Variants in LRRTM4 observed in about 807,000 individuals in gnomAD.
LRRTM4 encodes leucine rich repeat transmembrane neuronal 4.
In LRRTM4, 25 loss-of-function variants were observed where a neutral mutation model predicts 47.6. That is an observed-to-expected ratio of 0.53 (90% CI 0.38 to 0.73). LRRTM4 has a LOEUF of 0.73. LRRTM4 is among the 30% of genes least tolerant of loss of function. The pLI, the probability that LRRTM4 is intolerant of heterozygous loss-of-function variation, is 0.00. For synonymous variants in LRRTM4, 311 were observed against 269.5 expected, an observed-to-expected ratio of 1.15 and a Z score of -1.51; for missense variants, 638 against 713.4, an observed-to-expected ratio of 0.89 and a Z score of 1.20.
At chr2:77,476,780 G>T (rs1330597348) in intron 3 of LRRTM4, among the ~76,000 whole-genome samples, 8 of 151,942 alleles carry the variant, frequency 5.3e-5, no homozygotes. Flanking sequence ...CAGTATATTT[G>T]GTGCAAAAGT....
chr2:77,026,558 C>G (rs1197090970), intron 3 of LRRTM4, among the ~76,000 whole-genome samples: 1 of 151,992 alleles, frequency 6.6e-6, no homozygotes, highest in Non-Finnish European at 1.5e-5. Flanking sequence ...AGTGAATAGC[C>G]TATTTCTAAA....
chr2:77,223,969 G>T (rs931096062), intron 3 of LRRTM4, among the ~76,000 whole-genome samples: 2 of 151,984 alleles, frequency 1.3e-5, no homozygotes, highest in African/African-American at 2.4e-5. Flanking sequence ...ATGCTACAAG[G>T]CTACAGTAAC....
In LRRTM4 at chr2:77,145,660, G is replaced by A. The variant is rs375338656; in HGVS notation, c.1551+372658C>T. Among the ~76,000 whole-genome samples, 5 of 151,822 alleles carry A rather than the reference G, an allele frequency of 3.3e-5. No individual in the cohort carries two copies. The East Asian group carries it at 5.8e-4, about 18-fold the overall frequency. The stretch of plus-strand genomic sequence containing the variant: ...ATGGTGGCGGGCACCTGTAGTCCCA[G>A]CTACTCGGGAGGCTGAGGCAGGAGA... On this transcript the variant is annotated intron_variant, in intron 3 of 3. Transcript: ENST00000409884.
chr2:76,967,058 T>C (rs967105845), intron 3 of LRRTM4, among the ~76,000 whole-genome samples: 3 of 151,610 alleles, frequency 2.0e-5, no homozygotes, highest in African/African-American at 7.2e-5. Context: ...CCTAAGTCAC[T>C]ATTTCCATCA....
Position 77,292,002 on chromosome 2 carries a change from A to C in LRRTM4, c.1551+226316T>G, listed in dbSNP as rs200425881. On this transcript the variant is annotated intron_variant, in intron 3 of 3. Transcript: ENST00000409884. ...ATGAACTCAAACAAATTTACAAGAA[A>C]AAAACAAACAACCCCATCAAAAAGT... Among the ~76,000 whole-genome samples, 626 of 152,036 alleles carry C rather than the reference A, an allele frequency of 4.1e-3. 3 individuals are homozygous for C. The highest frequency in any genetic ancestry group is 0.014 in the African/African-American group (573 of 41,494).
chr2:77,368,357 G>A (rs1221178045), intron 3 of LRRTM4, among the ~76,000 whole-genome samples: 1 of 151,610 alleles, frequency 6.6e-6, no homozygotes, highest in African/African-American at 2.4e-5. Flanking sequence ...ATTATTAGAG[G>A]GGCATCCAGT....
chr2:77,430,481 G>A (rs928253602), intron 3 of LRRTM4, among the ~76,000 whole-genome samples: 13 of 151,920 alleles, frequency 8.6e-5, no homozygotes, highest in African/African-American at 3.1e-4. Context: ...TAGCATTTTG[G>A]AAGGCCGAGG....
Position 76,873,504 on chromosome 2 carries a change from G to GTATATATATA in LRRTM4, c.1552-124589_1552-124588insTATATATATA, listed in dbSNP as rs1371189658. ...TATATGTGTGTGTGTATATATATGT[G>GTATATATATA]TGTATATATATATATATATATATAT... On this transcript the variant is annotated intron_variant, in intron 3 of 3. Coordinates refer to ENST00000409884, the MANE Select transcript of LRRTM4 (RefSeq NM_001134745.3). 5.6e-3 allele frequency among the ~76,000 whole-genome samples: 413 copies of GTATATATATA among 73,174 alleles called. 6 individuals are homozygous for GTATATATATA. The highest frequency in any genetic ancestry group is 0.016 in the African/African-American group (384 of 23,676). The allele number at this position is 73,174 out of a possible 152,430, so 48.0% of individuals were successfully genotyped here. A position where few individuals can be genotyped will look rare whatever the true frequency, so the allele number is the denominator to read the frequency against.
chr2:76,908,832 G>T (rs922175406), intron 3 of LRRTM4, among the ~76,000 whole-genome samples: 2 of 151,908 alleles, frequency 1.3e-5, no homozygotes, highest in African/African-American at 2.4e-5. Context: ...CACTGCTCAA[G>T]GAAATAAAAG....
intron 3 of LRRTM4, among the ~76,000 whole-genome samples, chr2:76,776,560 T>C (rs966795470): frequency 1.3e-5 from 2 of 152,240 alleles, no homozygotes; most frequent in African/African-American, 4.8e-5. Context: ...TGTCTTCTTT[T>C]GAGAAGTGTC....
At chr2:77,513,951 T>G (rs969446665) in intron 3 of LRRTM4, among the ~76,000 whole-genome samples, 4 of 152,090 alleles carry the variant, frequency 2.6e-5, no homozygotes, top group Admixed American at 1.3e-4. Context: ...TTAACAAATA[T>G]TTGTTACTAA....
chr2:76,757,568 G>A (rs1673081733), intron 3 of LRRTM4, among the ~76,000 whole-genome samples: 1 of 152,110 alleles, frequency 6.6e-6, no homozygotes, highest in African/African-American at 2.4e-5. Flanking sequence ...AATTTCTAAA[G>A]GCTTTCCTTC....
At chr2:77,380,173 T>C (rs548375169) in intron 3 of LRRTM4, among the ~76,000 whole-genome samples, 9 of 152,302 alleles carry the variant, frequency 5.9e-5, no homozygotes, top group African/African-American at 2.2e-4. Flanking sequence ...GAATCTATAA[T>C]TAGACTTAAA....
intron 3 of LRRTM4, among the ~76,000 whole-genome samples, chr2:76,979,630 T>C (rs2103962823): frequency 6.8e-6 from 1 of 148,082 alleles, no homozygotes; most frequent in South Asian, 2.1e-4. Flanking sequence ...CGACATTTTA[T>C]GGTATATTCA....
At chr2:77,207,066 T>G (rs887113015) in intron 3 of LRRTM4, among the ~76,000 whole-genome samples, 1 of 150,636 alleles carries the variant, frequency 6.6e-6, no homozygotes, top group Non-Finnish European at 1.5e-5. Flanking sequence ...AAACATTCCC[T>G]CCAAAATGTG....
intron 3 of LRRTM4, among the ~76,000 whole-genome samples, chr2:77,348,788 C>A (rs1057093531): frequency 1.2e-5 from 1 of 82,250 alleles, no homozygotes; most frequent in East Asian, 2.5e-4. Context: ...AACATTAATA[C>A]AAAATATATA....
intron 3 of LRRTM4, among the ~76,000 whole-genome samples, chr2:76,778,326 GA>G (rs1194266253): frequency 7.1e-6 from 1 of 141,840 alleles, no homozygotes; most frequent in African/African-American, 2.8e-5. Context: ...AATAGTTTCA[GA>G]AGGAATGGTA....
chr2:77,030,326 C>T (rs1437819058), intron 3 of LRRTM4, among the ~76,000 whole-genome samples: 4 of 151,892 alleles, frequency 2.6e-5, no homozygotes, highest in Admixed American at 1.3e-4. Context: ...CCCAGCTACT[C>T]GGGAGGCTGA....
intron 3 of LRRTM4, among the ~76,000 whole-genome samples, chr2:77,334,598 C>T (rs1190334161): frequency 3.3e-5 from 5 of 152,172 alleles, no homozygotes; most frequent in East Asian, 1.9e-4. Flanking sequence ...TATTGTGAGG[C>T]ATCCCCAGCC....
Sources: allele counts gnomAD v4.1 joint callset (sites outside exome capture counted in the v4.1 genomes callset), GRCh38; gene constraint gnomAD v4.1.1; transcripts MANE v1.5; gene names NCBI Gene and HGNC (gene_info 2026-07-23, HGNC 2026-07-21).